The following IFNLR1 variants were observed in gnomAD, a reference collection of about 807,000 sequenced individuals.
The protein encoded by IFNLR1 is interferon lambda receptor 1.
In IFNLR1, 28 loss-of-function variants were observed where a neutral mutation model predicts 52.5. That is an observed-to-expected ratio of 0.53 (90% CI 0.40 to 0.73). IFNLR1 has a LOEUF of 0.73. Among genes scored for constraint, IFNLR1 ranks in the 30% least tolerant of loss-of-function variants. The pLI is 0.00. For missense variants in IFNLR1, 623 were observed against 659.1 expected, an observed-to-expected ratio of 0.95 and a Z score of 0.60; for synonymous variants, 276 against 274.9, an observed-to-expected ratio of 1.00 and a Z score of -0.04.
chr1:24,184,671 T>A (rs750203628), intron 1 of IFNLR1, among the ~76,000 whole-genome samples: 3 of 152,180 alleles, frequency 2.0e-5, no homozygotes, highest in Non-Finnish European at 4.4e-5. Flanking sequence ...CTCCAGGGAA[T>A]CTTCCTTGAC....
intron 3 of IFNLR1, among the ~76,000 whole-genome samples, chr1:24,168,194 T>C (rs946584670): frequency 4.6e-5 from 7 of 152,052 alleles, no homozygotes; most frequent in African/African-American, 1.7e-4. Context: ...CCTTTCTTCT[T>C]ACCCATCTGT....
intron 1 of IFNLR1, among the ~76,000 whole-genome samples, chr1:24,181,349 T>C (rs189572897): frequency 6.6e-6 from 1 of 152,330 alleles, no homozygotes; most frequent in Admixed American, 6.5e-5. Flanking sequence ...TAGAAGTAGA[T>C]GCCACACTCA....
intron 2 of IFNLR1, among the ~76,000 whole-genome samples, chr1:24,175,668 C>T (rs138969446): frequency 6.6e-6 from 1 of 152,166 alleles, no homozygotes; most frequent in Non-Finnish European, 1.5e-5. Context: ...TGCAGTAGCT[C>T]ATGCCTGTAA....
chr1:24,161,052 C>T (rs1371981839), intron 4 of IFNLR1, among the ~76,000 whole-genome samples: 6 of 152,140 alleles, frequency 3.9e-5, no homozygotes, highest in Non-Finnish European at 8.8e-5. Flanking sequence ...TGGAACCCAG[C>T]GATGCCCATT....
intron 1 of IFNLR1, among the ~76,000 whole-genome samples, chr1:24,181,449 A>G (rs1246931171): frequency 2.6e-5 from 4 of 152,098 alleles, no homozygotes; most frequent in Admixed American, 6.5e-5. Flanking sequence ...CCATTCCTTT[A>G]AAGGGATCAT....
At position 24,169,547 on chromosome 1, in the gene IFNLR1, C is replaced by G; in HGVS notation, c.237G>C (p.Glu79Asp). 6.2e-7 allele frequency: 1 copy of G among 1,614,226 alleles called. No individual in the cohort carries two copies. Among genetic ancestry groups the G allele is most frequent in the Non-Finnish European group, 8.5e-7 (1 of 1,180,036 alleles). Reference protein sequence around the residue: ...REVEECAGTKELLCSMMCLKK... With the variant: ...REVEECAGTKDLLCSMMCLKK... ...TCAGGCACATCATAGAACATAGCAG[C>G]TCCTTGGTTCCCGCACACTCTTCCA... is the stretch of plus-strand genomic sequence containing the variant. Residue 79 changes from glutamate (E) to aspartate (D), a missense_variant, in exon 3 of 7, where the codon GAG becomes GAC. Glu to Asp is a conservative substitution (Grantham distance 45). Transcript: ENST00000327535.
In IFNLR1 at chr1:24,157,236, G is replaced by A. The variant is rs148884022; in HGVS notation, c.1457C>T (p.Ala486Val). The A allele has an allele frequency of 9.3e-6, 15 of 1,613,940 alleles. No homozygotes were observed. Among genetic ancestry groups the A allele is most frequent in the African/African-American group, 4.0e-5 (3 of 74,882 alleles). The change falls in exon 7 of 7, where the codon GCG becomes GTG. Residue 486 changes from alanine to valine, a missense_variant. Ala to Val is a moderately conservative substitution (Grantham distance 64, BLOSUM62 0). Transcript: ENST00000327535. This position sits in a 1 kb window ranked among gnomAD's most constrained non-coding sequence, Gnocchi z 5.1. The stretch of plus-strand genomic sequence containing the variant: ...GCTGTCCTCAATTTCTGATTCCCTC[G>A]CCTCCTCTTCCTCCTCAGGGCTGCT... Reference protein sequence around the residue: ...WESSPEEEEEARESEIEDSDA... With the variant: ...WESSPEEEEEVRESEIEDSDA...
chr1:24,180,082 A>G (rs1343334107), intron 2 of IFNLR1, among the ~76,000 whole-genome samples: 1 of 152,132 alleles, frequency 6.6e-6, no homozygotes, highest in Admixed American at 6.5e-5. Context: ...GGATCACCTG[A>G]GCTCAGGAGT....
At chr1:24,176,849 C>G (rs929411275) in intron 2 of IFNLR1, among the ~76,000 whole-genome samples, 2 of 152,086 alleles carry the variant, frequency 1.3e-5, no homozygotes, top group Non-Finnish European at 2.9e-5. Flanking sequence ...TGGGCTCAAG[C>G]GATCCTCCTA....
At chr1:24,179,366 G>A (rs1448686010) in intron 2 of IFNLR1, among the ~76,000 whole-genome samples, 1 of 152,206 alleles carries the variant, frequency 6.6e-6, no homozygotes, top group African/African-American at 2.4e-5. Flanking sequence ...TCTGTAAAGA[G>A]GCGTACTGAA....
chr1:24,161,455 A>G, intron 4 of IFNLR1, 87 bp downstream of exon 4: 1 of 1,453,888 alleles, frequency 6.9e-7, no homozygotes, highest in Non-Finnish European at 9.4e-7. Context: ...GGAGGGGTGC[A>G]GGAGCAGGCT....
intron 1 of IFNLR1, among the ~76,000 whole-genome samples, chr1:24,182,289 C>T (rs980786992): frequency 2.0e-5 from 3 of 152,080 alleles, no homozygotes; most frequent in African/African-American, 7.2e-5. Flanking sequence ...GCAGGCTTGC[C>T]AGCCACTCTG....
chr1:24,187,259 C>A lies in IFNLR1; in HGVS notation c.-11G>T, dbSNP rs1431803698. Reference sequence around the variant, plus strand: ...CTCGGGCCCCGCCATGGCCTTCCTGCCGCGGCGTCCCCGCCCGGGCCCAGG... The same window carrying A: ...CTCGGGCCCCGCCATGGCCTTCCTGACGCGGCGTCCCCGCCCGGGCCCAGG... On this transcript the variant is annotated 5_prime_UTR_variant, in exon 1 of 7. Coordinates refer to ENST00000327535, the MANE Select transcript of IFNLR1 (RefSeq NM_170743.4). The A allele has an allele frequency of 7.9e-6, 10 of 1,264,966 alleles. No individual in the cohort carries two copies. Among genetic ancestry groups the A allele is most frequent in the Non-Finnish European group, 9.0e-6 (9 of 1,004,524 alleles). The allele number at this position is 1,264,966 out of a possible 1,614,324, so 78.4% of individuals were successfully genotyped here. A position where few individuals can be genotyped will look rare whatever the true frequency, so the allele number is the denominator to read the frequency against.
chr1:24,159,737 G>GTTTTTTTTTTTTTTGTT, intron 4 of IFNLR1, 104 bp from the exon 5 acceptor site: 15 of 458,694 alleles, frequency 3.3e-5, no homozygotes, highest in East Asian at 2.1e-4. Flanking sequence ...TTTTTTTTTT[G>GTTTTTTTTTTTTTTGTT]TTTTTTTTTT....
chr1:24,162,345 G>A (rs1308114665), intron 3 of IFNLR1, among the ~76,000 whole-genome samples: 1 of 152,158 alleles, frequency 6.6e-6, no homozygotes, highest in East Asian at 1.9e-4. Context: ...ATGGAGTCCT[G>A]TTTATGCTTC....
chr1:24,156,321 G>A lies in IFNLR1; in HGVS notation c.*809C>T, dbSNP rs1644378100. On this transcript the variant is annotated 3_prime_UTR_variant, in exon 7 of 7. Coordinates refer to ENST00000327535, the MANE Select transcript of IFNLR1 (RefSeq NM_170743.4). ...GTGGGAGATGCCCAGGGGTCTCCTG[G>A]AGCCTGGATAGATGGAGAATTCTAC... 1 of 152,336 alleles carries A rather than the reference G, an allele frequency of 6.6e-6. No homozygotes were observed. The highest frequency in any genetic ancestry group is 1.5e-5 in the Non-Finnish European group (1 of 68,208). 9.4% of individuals were successfully genotyped at this position (152,336 alleles called of 1,614,324 possible).
At chr1:24,186,542 G>A (rs1463313161) in intron 1 of IFNLR1, among the ~76,000 whole-genome samples, 1 of 152,022 alleles carries the variant, frequency 6.6e-6, no homozygotes. Context: ...AAATATCCTG[G>A]GGGCGATTTC....
At position 24,161,568 on chromosome 1, in the gene IFNLR1, A is replaced by T; in HGVS notation, c.484T>A (p.Phe162Ile). The T allele has an allele frequency of 1.9e-6, 3 of 1,555,844 alleles. No homozygotes were observed. Among genetic ancestry groups the T allele is most frequent in the Non-Finnish European group, 2.6e-6 (3 of 1,148,588 alleles). The change falls in exon 4 of 7, where the codon TTC becomes ATC. Residue 162 changes from phenylalanine (F) to isoleucine (I), a missense_variant. By Grantham distance (21) the Phe-to-Ile change is conservative. Transcript: ENST00000327535. ...TTGTTTCCGGCCCCCTCCTTCCAGAATGCCACCTCATACTTCAGATCCAGT... is the reference window on the plus strand; with the variant it reads ...TTGTTTCCGGCCCCCTCCTTCCAGATTGCCACCTCATACTTCAGATCCAGT... The part of the protein sequence containing the change: ...PPLDLKYEVA[F>I]WKEGAGNKTL...
At chr1:24,162,815 TTTTCTTCTTTCTTTCTTTTC>T (rs1644467552) in intron 3 of IFNLR1, among the ~76,000 whole-genome samples, 1 of 59,376 alleles carries the variant, frequency 1.7e-5, no homozygotes, top group Middle Eastern at 6.7e-3. Context: ...TTCTTTCTTT[TTTTCTTCTTTCTTTCTTTTC>T]TTTCTTTCTT....
Sources: allele counts gnomAD v4.1 joint callset (sites outside exome capture counted in the v4.1 genomes callset), GRCh38; gene constraint gnomAD v4.1.1; non-coding constraint Gnocchi (gnomAD v3.1); transcripts MANE v1.5; gene names NCBI Gene and HGNC (gene_info 2026-07-23, HGNC 2026-07-21).